The following CAMTA1 variants were observed in gnomAD, a reference collection of about 807,000 sequenced individuals.
The protein encoded by CAMTA1 is calmodulin-binding transcription activator 1.
A neutral mutation model predicts 170.9 loss-of-function variants in CAMTA1; 27 were observed. That is an observed-to-expected ratio of 0.16 (90% CI 0.12 to 0.22). The LOEUF (loss-of-function observed/expected upper bound fraction) is 0.22, where lower values mean the gene tolerates loss of function less well. Among genes scored for constraint, CAMTA1 ranks in the 10% least tolerant of loss-of-function variants. CAMTA1 has a pLI of 1.00. For synonymous variants in CAMTA1, 833 were observed against 891.5 expected, an observed-to-expected ratio of 0.93 and a Z score of 1.17; for missense variants, 1,619 against 2,217.2, an observed-to-expected ratio of 0.73 and a Z score of 5.42.
At chr1:7,156,108 T>C (rs1440157387) in intron 4 of CAMTA1, among the ~76,000 whole-genome samples, 2 of 138,988 alleles carry the variant, frequency 1.4e-5, no homozygotes, top group Non-Finnish European at 3.1e-5. Flanking sequence ...AACATGTCTC[T>C]ACAAAAAATA....
intron 4 of CAMTA1, among the ~76,000 whole-genome samples, chr1:7,221,641 T>A (rs745330040): frequency 4.6e-5 from 7 of 152,160 alleles, no homozygotes; most frequent in Non-Finnish European, 8.8e-5. Context: ...GGGGTCTCAG[T>A]GTGAGCCTGG....
intron 4 of CAMTA1, among the ~76,000 whole-genome samples, chr1:7,139,536 G>A (rs1208295152): frequency 3.3e-5 from 5 of 152,042 alleles, no homozygotes; most frequent in African/African-American, 1.2e-4. Flanking sequence ...TCCCTGGAAA[G>A]TCTGGATTCT....
chr1:7,060,182 A>G (rs1303659264), intron 3 of CAMTA1, among the ~76,000 whole-genome samples: 1 of 152,234 alleles, frequency 6.6e-6, no homozygotes, highest in Admixed American at 6.5e-5. Flanking sequence ...AGCACCACAA[A>G]CAGGACGTAA....
chr1:6,799,347 G>A (rs1225564915), intron 1 of CAMTA1, among the ~76,000 whole-genome samples: 1 of 152,210 alleles, frequency 6.6e-6, no homozygotes, highest in Admixed American at 6.5e-5. Flanking sequence ...AGGCTTACAG[G>A]CATGAGCCGC....
At chr1:7,606,924 T>C (rs1434678201) in intron 6 of CAMTA1, among the ~76,000 whole-genome samples, 1 of 152,214 alleles carries the variant, frequency 6.6e-6, no homozygotes, top group Non-Finnish European at 1.5e-5. Flanking sequence ...ACTCAAGTCA[T>C]TGTGTGACCC....
At chr1:7,089,489 C>T (rs139488841) in intron 3 of CAMTA1, among the ~76,000 whole-genome samples, 95 of 152,222 alleles carry the variant, frequency 6.2e-4, no homozygotes, top group South Asian at 2.3e-3. Context: ...CTCTCACTCA[C>T]GTGTGCATGC....
chr1:7,601,869 G>C (rs531168128), intron 6 of CAMTA1, among the ~76,000 whole-genome samples: 1 of 152,102 alleles, frequency 6.6e-6, no homozygotes, highest in East Asian at 1.9e-4. Flanking sequence ...CAGGGAGGTT[G>C]CAGTGAGCTG....
At chr1:7,157,334 G>A (rs1646946496) in intron 4 of CAMTA1, among the ~76,000 whole-genome samples, 3 of 95,456 alleles carry the variant, frequency 3.1e-5, no homozygotes, top group African/African-American at 4.3e-5. Flanking sequence ...GACAGAGTGA[G>A]ACTCTGTCTC....
intron 5 of CAMTA1, among the ~76,000 whole-genome samples, chr1:7,465,080 G>A (rs1350748287): frequency 6.6e-6 from 1 of 152,198 alleles, no homozygotes; most frequent in African/African-American, 2.4e-5. Flanking sequence ...TTGTTTTCTA[G>A]TGTGTATTAG....
At chr1:7,062,653 G>A (rs948492951) in intron 3 of CAMTA1, among the ~76,000 whole-genome samples, 1 of 69,716 alleles carries the variant, frequency 1.4e-5, no homozygotes, top group Non-Finnish European at 2.9e-5. Flanking sequence ...GTTGCAGGGC[G>A]TTCGTTTACT....
chr1:6,866,984 A>G (rs1361743927), intron 3 of CAMTA1, among the ~76,000 whole-genome samples: 3 of 152,256 alleles, frequency 2.0e-5, no homozygotes, highest in Non-Finnish European at 4.4e-5. Flanking sequence ...GTGGATGGCC[A>G]CAGCATGGCT....
At chr1:7,542,171 G>A (rs954358898) in intron 6 of CAMTA1, among the ~76,000 whole-genome samples, 1 of 152,106 alleles carries the variant, frequency 6.6e-6, no homozygotes, top group African/African-American at 2.4e-5. Context: ...ATAAGACATG[G>A]GAAAGTACTA....
At chr1:7,741,820 T>G (rs10864313) in intron 16 of CAMTA1, among the ~76,000 whole-genome samples, 99,924 of 151,640 alleles carry the variant, frequency 0.66, 33,601 homozygotes, top group Admixed American at 0.77. Flanking sequence ...GCTTGAACCC[T>G]GGAGGTGGAG....
Position 7,262,915 on chromosome 1 carries a change from G to T in CAMTA1, c.438+13289G>T, listed in dbSNP as rs745765802. 5.3e-4 allele frequency among the ~76,000 whole-genome samples: 80 copies of T among 152,338 alleles called. No individual in the cohort carries two copies. The Middle Eastern group carries it at 0.014, about 26-fold the overall frequency. On this transcript the variant is annotated intron_variant, in intron 5 of 22. Transcript: ENST00000303635. ...ATGCGTGTGTTGACATTGGCAGAGA[G>T]GTCGGGTGCCAGCAGCCTCCTTCCA...
chr1:7,602,075 TTTTC>T (rs1421069115), intron 6 of CAMTA1, among the ~76,000 whole-genome samples: 5 of 122,878 alleles, frequency 4.1e-5, no homozygotes, highest in African/African-American at 1.7e-4. Flanking sequence ...GCCTTTCCAA[TTTTC>T]TTTCCTTCCT....
At chr1:7,399,969 C>A (rs914631199) in intron 5 of CAMTA1, among the ~76,000 whole-genome samples, 2 of 152,144 alleles carry the variant, frequency 1.3e-5, no homozygotes, top group African/African-American at 4.8e-5. Flanking sequence ...TTGGGTTGAA[C>A]CTGTTTGAGG....
intron 10 of CAMTA1, among the ~76,000 whole-genome samples, chr1:7,676,704 C>T (rs1298170054): frequency 6.6e-6 from 1 of 152,188 alleles, no homozygotes; most frequent in East Asian, 1.9e-4. Context: ...GCACAGAACC[C>T]AGACATCTGC....
rs2091899174 is a variant in CAMTA1, at chr1:7,426,920, T to A, written c.439-40910T>A. On this transcript the variant is annotated intron_variant, in intron 5 of 22. Transcript: ENST00000303635. The surrounding 1 kb of genome is among the most constrained non-coding windows in gnomAD (Gnocchi z 4.8). ...AATCTGGCCTGTGTTTTTAGTAATT[T>A]ATCAGGCCACCAGCAAGGCCTTTTT... Among the ~76,000 whole-genome samples, 1 of 152,156 alleles carries A rather than the reference T, an allele frequency of 6.6e-6. No homozygotes were observed. The highest frequency in any genetic ancestry group is 2.4e-5 in the African/African-American group (1 of 41,440).
chr1:6,992,067 T>C (rs1696468214), intron 3 of CAMTA1, among the ~76,000 whole-genome samples: 3 of 151,152 alleles, frequency 2.0e-5, no homozygotes, highest in East Asian at 3.9e-4. Context: ...AATATATTTT[T>C]TATGATTTAT....
Sources: allele counts gnomAD v4.1 joint callset (sites outside exome capture counted in the v4.1 genomes callset), GRCh38; gene constraint gnomAD v4.1.1; non-coding constraint Gnocchi (gnomAD v3.1); transcripts MANE v1.5; gene names NCBI Gene and HGNC (gene_info 2026-07-23, HGNC 2026-07-21).